Variants in GLRA3 observed in about 807,000 individuals in gnomAD.
GLRA3 encodes the protein glycine receptor alpha 3, also known as glycine receptor subunit alpha-3.
GLRA3 carries 44 observed loss-of-function variants against 60.4 expected under a neutral mutation model. The ratio of observed to expected loss-of-function variants is 0.73; its 90% CI spans 0.57 to 0.94. The LOEUF (loss-of-function observed/expected upper bound fraction) is 0.94. Ranked by LOEUF, GLRA3 falls within the 40% of genes least tolerant of loss-of-function variation. The pLI is 0.00. For missense variants in GLRA3, 508 were observed against 564.6 expected, an observed-to-expected ratio of 0.90 and a Z score of 1.02; for synonymous variants, 223 against 192.9, an observed-to-expected ratio of 1.16 and a Z score of -1.29.
chr4:174,660,993 C>T (rs1733411917), intron 7 of GLRA3, among the ~76,000 whole-genome samples: 1 of 152,158 alleles, frequency 6.6e-6, no homozygotes, highest in African/African-American at 2.4e-5. Flanking sequence ...ACAAGATACT[C>T]CAGATTCATC....
chr4:174,745,363 A>G (rs1174203158), intron 3 of GLRA3, among the ~76,000 whole-genome samples: 2 of 152,176 alleles, frequency 1.3e-5, no homozygotes, highest in Non-Finnish European at 2.9e-5. Flanking sequence ...TCTGAAGTCA[A>G]TGGCAAAGGA....
intron 2 of GLRA3, among the ~76,000 whole-genome samples, chr4:174,767,481 T>C (rs1224976342): frequency 6.6e-6 from 1 of 152,104 alleles, no homozygotes; most frequent in Non-Finnish European, 1.5e-5. Flanking sequence ...CCACCTCCAA[T>C]CCAAAGTTTG....
At chr4:174,715,814 T>C (rs1361759894) in intron 4 of GLRA3, among the ~76,000 whole-genome samples, 1 of 152,152 alleles carries the variant, frequency 6.6e-6, no homozygotes, top group African/African-American at 2.4e-5. Flanking sequence ...GGTTTTGCCA[T>C]TAAAAGTGCT....
intron 1 of GLRA3, among the ~76,000 whole-genome samples, chr4:174,800,526 A>G (rs1180508762): frequency 6.6e-6 from 1 of 152,024 alleles, no homozygotes; most frequent in Non-Finnish European, 1.5e-5. Context: ...TTATTTTCCA[A>G]TAAACAACAC....
intron 3 of GLRA3, among the ~76,000 whole-genome samples, chr4:174,740,531 C>T (rs140768219): frequency 6.6e-6 from 1 of 152,192 alleles, no homozygotes; most frequent in Non-Finnish European, 1.5e-5. Context: ...AAAAGTTACC[C>T]AGCAAATCCC....
At chr4:174,782,914 A>C (rs866532610) in intron 2 of GLRA3, among the ~76,000 whole-genome samples, 1 of 152,100 alleles carries the variant, frequency 6.6e-6, no homozygotes, top group Admixed American at 6.5e-5. Flanking sequence ...TACAGATTCA[A>C]TGCCATCCCC....
chr4:174,677,011 CA>C, intron 7 of GLRA3, 66 bp downstream of exon 7: 1 of 970,390 alleles, frequency 1.0e-6, no homozygotes, highest in Non-Finnish European at 1.6e-6. Context: ...CCAAAGCTGA[CA>C]ATGATATCTT....
intron 3 of GLRA3, among the ~76,000 whole-genome samples, chr4:174,745,625 A>G (rs1737211692): frequency 6.6e-6 from 1 of 152,156 alleles, no homozygotes; most frequent in Non-Finnish European, 1.5e-5. Context: ...CAAAAATAAA[A>G]ATAGACAAAT....
chr4:174,759,553 G>A (rs1737858535), intron 3 of GLRA3, among the ~76,000 whole-genome samples: 1 of 152,010 alleles, frequency 6.6e-6, no homozygotes, highest in Non-Finnish European at 1.5e-5. Context: ...TTATTTTGTG[G>A]AATTTGACAA....
chr4:174,673,395 T>C (rs6838560), intron 7 of GLRA3, among the ~76,000 whole-genome samples: 53,401 of 151,794 alleles, frequency 0.35, 9,661 homozygotes, highest in African/African-American at 0.43. Context: ...TATTACTATC[T>C]CCTCTTTCAA....
rs1737959274 is a variant in GLRA3, at chr4:174,761,982, A to G, written c.267+4981T>C. On this transcript the variant is annotated intron_variant, in intron 3 of 9. Transcript: ENST00000274093. ...TAAAGAAGTGATTTGTCAGAATAAA[A>G]TGATTACATCATCCTTTGTGCTTAG... 2.0e-5 allele frequency among the ~76,000 whole-genome samples: 3 copies of G among 152,332 alleles called. No homozygotes were observed. The South Asian group carries it at 6.2e-4, about 32-fold the overall frequency.
At chr4:174,676,064 C>T (rs896932153) in intron 7 of GLRA3, among the ~76,000 whole-genome samples, 1 of 152,096 alleles carries the variant, frequency 6.6e-6, no homozygotes, top group Non-Finnish European at 1.5e-5. Flanking sequence ...TGCAGAATTA[C>T]TTAATTTAGA....
intron 7 of GLRA3, among the ~76,000 whole-genome samples, chr4:174,666,576 T>G (rs1460998396): frequency 1.3e-5 from 2 of 151,726 alleles, no homozygotes; most frequent in Non-Finnish European, 2.9e-5. Context: ...AGGACTAGTC[T>G]TTTTCATTCT....
chr4:174,781,925 C>T (rs564579270), intron 2 of GLRA3, among the ~76,000 whole-genome samples: 7 of 152,148 alleles, frequency 4.6e-5, no homozygotes, highest in Admixed American at 1.3e-4. Context: ...TGAAACTATT[C>T]CAATCAATAG....
At chr4:174,652,040 C>T (rs890195019) in intron 9 of GLRA3, among the ~76,000 whole-genome samples, 4 of 151,770 alleles carry the variant, frequency 2.6e-5, no homozygotes, top group Non-Finnish European at 5.9e-5. Context: ...ATGACCTAAA[C>T]AATAATTTTA....
Position 174,757,131 on chromosome 4 carries a change from T to C in GLRA3, c.267+9832A>G, listed in dbSNP as rs115844286. 3.9e-3 allele frequency among the ~76,000 whole-genome samples: 601 copies of C among 152,288 alleles called. 4 individuals are homozygous for C. The highest frequency in any genetic ancestry group is 0.014 in the African/African-American group (582 of 41,562). On this transcript the variant is annotated intron_variant, in intron 3 of 9. Coordinates refer to ENST00000274093, the MANE Select transcript of GLRA3 (RefSeq NM_006529.4). The stretch of plus-strand genomic sequence containing the variant: ...TTAACAGTTTGCATTAACATATTCA[T>C]AGAAAATACAAAAAATTGGAAAAGT...
chr4:174,774,919 A>G (rs1738534619), intron 2 of GLRA3, among the ~76,000 whole-genome samples: 1 of 152,214 alleles, frequency 6.6e-6, no homozygotes, highest in South Asian at 2.1e-4. Flanking sequence ...TTGGGGCATC[A>G]GGTCAACAAC....
At chr4:174,776,384 A>C (rs1331600721) in intron 2 of GLRA3, among the ~76,000 whole-genome samples, 1 of 152,158 alleles carries the variant, frequency 6.6e-6, no homozygotes, top group Non-Finnish European at 1.5e-5. Flanking sequence ...TTCTTCCTGA[A>C]TCACAGACAT....
rs551885383 is a variant in GLRA3, at chr4:174,828,543, A to C, written c.71+198T>G. 1.3e-4 allele frequency among the ~76,000 whole-genome samples: 20 copies of C among 152,330 alleles called. No individual in the cohort carries two copies. The South Asian group carries it at 4.1e-3, about 32-fold the overall frequency. On this transcript the variant is annotated intron_variant, in intron 1 of 9. Transcript: ENST00000274093. ...AAGATGCCAGTTACTAAAATGCACT[A>C]ATCAATGAAAAAGCAAATGAGTAGG...
Sources: allele counts gnomAD v4.1 joint callset (sites outside exome capture counted in the v4.1 genomes callset), GRCh38; gene constraint gnomAD v4.1.1; transcripts MANE v1.5; gene names NCBI Gene and HGNC (gene_info 2026-07-23, HGNC 2026-07-21).